Variants in TICRR observed in about 807,000 individuals in gnomAD.
TICRR encodes TOPBP1 interacting checkpoint and replication regulator.
Under a neutral mutation model 178.1 loss-of-function variants are expected in TICRR, and 132 were observed. The observed-to-expected ratio is 0.74, with a 90% CI of 0.64 to 0.86. TICRR has a LOEUF of 0.86. TICRR is among the 40% of genes least tolerant of loss of function. The pLI is 0.00. For synonymous variants in TICRR, 991 were observed against 900.7 expected (o/e 1.10, Z -1.79); for missense variants, 2,587 against 2,334.3 (o/e 1.11, Z -2.23).
Position 89,602,855 on chromosome 15 carries a change from T to A in TICRR, c.2627T>A (p.Ile876Asn). 1.3e-6 allele frequency: 2 copies of A among 1,532,354 alleles called. No individual in the cohort carries two copies. The highest frequency in any genetic ancestry group is 1.8e-6 in the Non-Finnish European group (2 of 1,140,886). 94.9% of individuals were successfully genotyped at this position (1,532,354 alleles called of 1,614,324 possible). The change falls in exon 13 of 22, where the codon ATT (isoleucine) becomes AAT (asparagine). Residue 876 changes from isoleucine (I) to asparagine (N), a missense_variant. Ile to Asn is a moderately radical substitution (Grantham distance 149). Transcript: ENST00000268138. ...GAGGTTTCACAGAATCTTCGACAAA[T>A]TGAAATTCCTAAAGTGTCAAAGAGA... The part of the protein sequence containing the change: ...IAEVSQNLRQ[I>N]EIPKVSKRAT...
intron 1 of TICRR, among the ~76,000 whole-genome samples, chr15:89,581,576 A>T (rs1001045803): frequency 1.3e-5 from 2 of 152,222 alleles, no homozygotes; most frequent in Non-Finnish European, 2.9e-5. Flanking sequence ...AAATCAGCAA[A>T]AACAGGGAAG....
chr15:89,610,808 A>T, intron 15 of TICRR, among the ~76,000 whole-genome samples: 1 of 149,924 alleles, frequency 6.7e-6, no homozygotes, highest in African/African-American at 2.5e-5. Flanking sequence ...GTTTAATTCC[A>T]TTCTTTCTTT....
chr15:89,606,975 C>T, intron 14 of TICRR, 150 bp downstream of exon 14: 1 of 518,738 alleles, frequency 1.9e-6, no homozygotes, highest in East Asian at 3.0e-5. Context: ...GGACATAGTC[C>T]CCTAGGAATA....
rs550260202 is a variant in TICRR at position 89,577,900 on chromosome 15, C to G, written c.654+1660C>G. Among the ~76,000 whole-genome samples the G allele has an allele frequency of 7.7e-4, 117 of 151,206 alleles. 1 individual carries two copies. The highest frequency in any genetic ancestry group is 1.7e-3 in the South Asian group (8 of 4,760). Reference sequence around the variant, plus strand: ...TGCTAGGATTACAGGCATGAGCCACCGTGCCTGGCAGGGAAGGCCTTTTTG... The same window carrying G: ...TGCTAGGATTACAGGCATGAGCCACGGTGCCTGGCAGGGAAGGCCTTTTTG... On this transcript the variant is annotated intron_variant, in intron 1 of 21. Transcript: ENST00000268138.
Position 89,575,689 on chromosome 15 carries a change from A to G in TICRR, c.103A>G (p.Ser35Gly). Residue 35 changes from serine (S) to glycine (G), a missense_variant, in exon 1 of 22, where the codon AGT becomes GGT. Coordinates refer to ENST00000268138, the MANE Select transcript of TICRR (RefSeq NM_152259.4). The part of the protein sequence containing the change: ...RAALRLLTYL[S>G]CRFGLARVHW... ...CGCCCTGCGCCTCCTCACCTATCTG[A>G]GTTGCCGATTCGGCCTGGCCAGGGT... 1 of 1,604,102 alleles carries G rather than the reference A, an allele frequency of 6.2e-7. No homozygotes were observed. The highest frequency in any genetic ancestry group is 8.5e-7 in the Non-Finnish European group (1 of 1,176,840).
Position 89,575,785 on chromosome 15 carries a change from G to C in TICRR, c.199G>C (p.Glu67Gln), listed in dbSNP as rs1479785008. Reference protein sequence around the residue: ...SRPSRVSDFRELGSRSWEDFE... With the variant: ...SRPSRVSDFRQLGSRSWEDFE... ...GCCGTCCCGCGTGTCTGACTTCCGCGAGCTGGGGTCCCGCTCGTGGGAGGA... is the reference window on the plus strand; with the variant it reads ...GCCGTCCCGCGTGTCTGACTTCCGCCAGCTGGGGTCCCGCTCGTGGGAGGA... Residue 67 changes from glutamate (E) to glutamine (Q), a missense_variant, in exon 1 of 22, where the codon GAG becomes CAG. Transcript: ENST00000268138. The C allele has an allele frequency of 6.2e-7, 1 of 1,608,046 alleles. No individual in the cohort carries two copies. The highest frequency in any genetic ancestry group is 1.1e-5 in the South Asian group (1 of 90,336).
chr15:89,626,405 C>T (rs1022674876), intron 21 of TICRR, among the ~76,000 whole-genome samples: 3 of 152,226 alleles, frequency 2.0e-5, no homozygotes, highest in African/African-American at 7.2e-5. Context: ...GAGCTAGTTC[C>T]CCACAGCGGG....
In TICRR at chr15:89,625,336, A is replaced by C; in HGVS notation, c.5026A>C (p.Lys1676Gln). The change falls in exon 20 of 22, where the codon AAG becomes CAG. Residue 1676 changes from lysine to glutamine, a missense_variant. Lys to Gln is a moderately conservative substitution (Grantham distance 53). Transcript: ENST00000268138. Reference protein sequence around the residue: ...PWTPSPKHSGKTTPDIIKDWP... With the variant: ...PWTPSPKHSGQTTPDIIKDWP... ...GACACCATCCCCCAAGCACAGTGGG[A>C]AGACAACTCCAGACATAATTAAAGA... 1 of 1,614,060 alleles carries C rather than the reference A, an allele frequency of 6.2e-7. No homozygotes were observed. Among genetic ancestry groups the C allele is most frequent in the Non-Finnish European group, 8.5e-7 (1 of 1,180,032 alleles).
intron 4 of TICRR, among the ~76,000 whole-genome samples, chr15:89,588,567 G>A (rs1962859382): frequency 1.3e-5 from 2 of 152,192 alleles, no homozygotes; most frequent in Non-Finnish European, 2.9e-5. Flanking sequence ...GAGCCAATCT[G>A]CTCAAAGGAG....
chr15:89,619,987 G>T, intron 18 of TICRR, 145 bp downstream of exon 18: 1 of 943,140 alleles, frequency 1.1e-6, no homozygotes, highest in Middle Eastern at 2.2e-4. Context: ...CAGGGTGATG[G>T]CTAGATGGAC....
At chr15:89,618,843 C>T (rs1057350251) in intron 17 of TICRR, among the ~76,000 whole-genome samples, 2 of 152,202 alleles carry the variant, frequency 1.3e-5, no homozygotes, top group East Asian at 3.9e-4. Flanking sequence ...CCTATGGTCC[C>T]AGCTACTCGG....
At chr15:89,586,731 C>T (rs568376291) in intron 4 of TICRR, among the ~76,000 whole-genome samples, 11 of 152,060 alleles carry the variant, frequency 7.2e-5, no homozygotes, top group Admixed American at 3.9e-4. Flanking sequence ...GAGGCGACAG[C>T]GAGTGCCAAG....
intron 12 of TICRR, among the ~76,000 whole-genome samples, chr15:89,602,405 A>G (rs1963113246): frequency 6.6e-6 from 1 of 152,204 alleles, no homozygotes; most frequent in African/African-American, 2.4e-5. Flanking sequence ...TTAGGTTTCT[A>G]TATAGGCTCC....
Position 89,624,546 on chromosome 15 carries a change from C to T in TICRR, c.4236C>T (p.Asp1412=). The T allele has an allele frequency of 6.2e-7, 1 of 1,613,802 alleles. No individual in the cohort carries two copies. Among genetic ancestry groups the T allele is most frequent in the African/African-American group, 1.3e-5 (1 of 75,062 alleles). ...ASATPGVGTA[D]SPAAPTDSRD... is the part of the protein sequence containing the mutation. ...CTACTCCTGGGGTTGGCACAGCTGA[C>T]AGCCCAGCTGCCCCCACAGACTCTA... The change falls in exon 20 of 22, where the codon GAC becomes GAT. Residue 1412 remains aspartate, a synonymous_variant. Coordinates refer to ENST00000268138, the MANE Select transcript of TICRR (RefSeq NM_152259.4).
rs150619464 is a variant in TICRR at position 89,578,672 on chromosome 15, A to G, written c.654+2432A>G. Among the ~76,000 whole-genome samples the G allele has an allele frequency of 1.1e-3, 162 of 149,472 alleles. 7 individuals are homozygous for G. In the East Asian group the frequency reaches 0.029, roughly 26 times the overall value. ...TCTCTCTCTCTCTTTTTTTTTTTGA[A>G]TAGCATTGAAATAAGTGGGTTGACT... On this transcript the variant is annotated intron_variant, in intron 1 of 21. Coordinates refer to ENST00000268138, the MANE Select transcript of TICRR (RefSeq NM_152259.4).
At chr15:89,626,816 C>G in intron 21 of TICRR, 140 bp from the exon 22 acceptor site, 1 of 902,694 alleles carries the variant, frequency 1.1e-6, no homozygotes, top group Non-Finnish European at 1.7e-6. Context: ...GGTACCATTT[C>G]TGTAGGATAA....
chr15:89,580,391 C>A lies in TICRR; in HGVS notation c.655-2295C>A, dbSNP rs576460273. 1.8e-4 allele frequency among the ~76,000 whole-genome samples: 28 copies of A among 152,300 alleles called. No individual in the cohort carries two copies. The South Asian group carries it at 5.4e-3, about 29-fold the overall frequency. On this transcript the variant is annotated intron_variant, in intron 1 of 21. Coordinates refer to ENST00000268138, the MANE Select transcript of TICRR (RefSeq NM_152259.4). Reference sequence around the variant, plus strand: ...TTTGTTTGTTTTCCTGGCTGGTCTTCTGGCTGAAACAATTTCAACAAAATT... The same window carrying A: ...TTTGTTTGTTTTCCTGGCTGGTCTTATGGCTGAAACAATTTCAACAAAATT...
chr15:89,581,226 ATTATAAT>A (rs1316026584), intron 1 of TICRR, among the ~76,000 whole-genome samples: 5 of 151,888 alleles, frequency 3.3e-5, no homozygotes, highest in East Asian at 1.9e-4. Flanking sequence ...TCACATAGCA[ATTATAAT>A]TTATAATTGT....
At chr15:89,611,655 T>A (rs1253970963) in intron 15 of TICRR, among the ~76,000 whole-genome samples, 1 of 152,122 alleles carries the variant, frequency 6.6e-6, no homozygotes, top group Non-Finnish European at 1.5e-5. Flanking sequence ...CCTCAGACTT[T>A]GTTCATTTTT....
Sources: gnomAD v4.1 joint callset for allele counts (sites outside exome capture counted in the v4.1 genomes callset) on GRCh38, gnomAD v4.1.1 for gene constraint, MANE v1.5 for transcripts, NCBI Gene and HGNC (gene_info 2026-07-23, HGNC 2026-07-21) for gene names.